Variants in PCED1B observed in about 807,000 individuals in gnomAD.
The protein encoded by PCED1B is PC-esterase domain-containing protein 1B.
For synonymous variants in PCED1B, 251 were observed against 246.1 expected (o/e 1.02, Z -0.19); for missense variants, 573 against 573.9 (o/e 1.00, Z 0.02).
Position 47,186,090 on chromosome 12 carries a change from C to T in PCED1B, c.-525-30132C>T, listed in dbSNP as rs918794053. 5.7e-4 allele frequency among the ~76,000 whole-genome samples: 86 copies of T among 152,006 alleles called. 1 individual carries two copies. The highest frequency in any genetic ancestry group is 2.1e-3 in the African/African-American group (86 of 41,474). On this transcript the variant is annotated intron_variant, in intron 2 of 3. Coordinates refer to ENST00000546455, the MANE Select transcript of PCED1B (RefSeq NM_138371.3). The stretch of plus-strand genomic sequence containing the variant: ...AAAATTAGCCAGATGTGGTGGCACG[C>T]CCCTGTAATCCCAGCTACTCAGGAG...
chr12:47,101,233 GAGA>G (rs1450202509), intron 1 of PCED1B, among the ~76,000 whole-genome samples: 1 of 152,002 alleles, frequency 6.6e-6, no homozygotes, highest in Non-Finnish European at 1.5e-5. Context: ...TGGTTTCAAG[GAGA>G]AGACATATTT....
At chr12:47,149,251 C>T (rs923480004) in intron 2 of PCED1B, among the ~76,000 whole-genome samples, 1 of 152,214 alleles carries the variant, frequency 6.6e-6, no homozygotes, top group African/African-American at 2.4e-5. Flanking sequence ...CAATACACTT[C>T]ACTCACCTTA....
At chr12:47,093,577 TAA>T (rs1193652751) in intron 1 of PCED1B, among the ~76,000 whole-genome samples, 5 of 152,032 alleles carry the variant, frequency 3.3e-5, no homozygotes, top group African/African-American at 1.2e-4. Flanking sequence ...ATATGGAATA[TAA>T]GACTATATAT....
chr12:47,185,888 A>G (rs750171449), intron 2 of PCED1B, among the ~76,000 whole-genome samples: 1 of 152,068 alleles, frequency 6.6e-6, no homozygotes, highest in Non-Finnish European at 1.5e-5. Flanking sequence ...ACATACACAT[A>G]GGAGTATTCA....
At chr12:47,117,368 C>T (rs1488011239) in intron 2 of PCED1B, among the ~76,000 whole-genome samples, 1 of 152,030 alleles carries the variant, frequency 6.6e-6, no homozygotes, top group Non-Finnish European at 1.5e-5. Flanking sequence ...CCATGACAGG[C>T]CCCAGTGTGT....
intron 2 of PCED1B, among the ~76,000 whole-genome samples, chr12:47,113,743 C>T (rs1939298191): frequency 6.6e-6 from 1 of 151,864 alleles, no homozygotes; most frequent in South Asian, 2.1e-4. Flanking sequence ...GGCACAGTGG[C>T]TCACGCCTGT....
intron 3 of PCED1B, among the ~76,000 whole-genome samples, chr12:47,220,447 C>T (rs575442144): frequency 6.6e-6 from 1 of 152,336 alleles, no homozygotes; most frequent in South Asian, 2.1e-4. Flanking sequence ...GCTGGGATTA[C>T]AGGCGTGAGC....
chr12:47,135,814 C>A, intron 2 of PCED1B: 2 of 490,866 alleles, frequency 4.1e-6, no homozygotes, highest in Non-Finnish European at 8.2e-6. Context: ...CCCAGCACAG[C>A]CACCTCATGC....
rs549778576 is a variant in PCED1B at position 47,170,109 on chromosome 12, T to A, written c.-525-46113T>A. 3.3e-5 allele frequency among the ~76,000 whole-genome samples: 5 copies of A among 152,112 alleles called. No homozygotes were observed. The East Asian group carries it at 9.7e-4, about 30-fold the overall frequency. ...GAGTGGTGATGACTCTTAAGGAGCA[T>A]GCTGCCTTCAAGCATCTGTTTAACA... is the stretch of plus-strand genomic sequence containing the variant. On this transcript the variant is annotated intron_variant, in intron 2 of 3. Coordinates refer to ENST00000546455, the MANE Select transcript of PCED1B (RefSeq NM_138371.3).
intron 2 of PCED1B, among the ~76,000 whole-genome samples, chr12:47,107,790 T>C (rs954657991): frequency 2.6e-5 from 4 of 152,052 alleles, no homozygotes; most frequent in African/African-American, 9.7e-5. Context: ...AGATACAATG[T>C]CCCCCTAAGG....
chr12:47,191,378 T>C (rs1942434199), intron 2 of PCED1B, among the ~76,000 whole-genome samples: 1 of 152,174 alleles, frequency 6.6e-6, no homozygotes. Context: ...TTGTTTAAAA[T>C]CTCTAAGTTT....
At chr12:47,215,316 C>T (rs150955596) in intron 2 of PCED1B, among the ~76,000 whole-genome samples, 369 of 150,050 alleles carry the variant, frequency 2.5e-3, no homozygotes, top group African/African-American at 8.5e-3. Context: ...TGCAATGGGA[C>T]GATTTTGGCT....
Position 47,096,893 on chromosome 12 carries a change from A to G in PCED1B, c.-608-7220A>G, listed in dbSNP as rs564985457. Among the ~76,000 whole-genome samples the G allele has an allele frequency of 3.2e-4, 48 of 152,370 alleles. 1 individual carries two copies. The highest frequency in any genetic ancestry group is 5.9e-5 in the Non-Finnish European group (4 of 68,028). The stretch of plus-strand genomic sequence containing the variant: ...GATGGAATTTGATTAAATAATTACC[A>G]AAAGTAGATATGTAAGACTGTATAA... On this transcript the variant is annotated intron_variant, in intron 1 of 3. Transcript: ENST00000546455.
rs1175919058 is a variant in PCED1B at position 47,235,959 on chromosome 12, AC to A, written c.898del (p.Arg300AlafsTer137). 9.3e-6 allele frequency: 15 copies of A among 1,607,404 alleles called. No individual in the cohort carries two copies. Among genetic ancestry groups the A allele is most frequent in the Non-Finnish European group, 1.3e-5 (15 of 1,177,810 alleles). On this transcript the variant is annotated frameshift_variant, in exon 4 of 4. Transcript: ENST00000546455. LOFTEE classifies it low-confidence loss of function (END_TRUNC). ...PLSPPLPSPT[Y>X]RPLLGFPPQR... Reference sequence around the variant, plus strand: ...TCCCCACCCTTACCTTCCCCCACATACCGCCCCCTGCTTGGGTTCCCACCCC... The same window carrying A: ...TCCCCACCCTTACCTTCCCCCACATACGCCCCCTGCTTGGGTTCCCACCCC...
At chr12:47,201,310 A>G (rs1942756461) in intron 2 of PCED1B, among the ~76,000 whole-genome samples, 1 of 152,052 alleles carries the variant, frequency 6.6e-6, no homozygotes. Flanking sequence ...AATTCCTTGG[A>G]ATTGCGAATA....
intron 2 of PCED1B, among the ~76,000 whole-genome samples, chr12:47,195,931 C>T (rs1942589694): frequency 6.6e-6 from 1 of 152,154 alleles, no homozygotes; most frequent in Non-Finnish European, 1.5e-5. Flanking sequence ...TTAATAATTA[C>T]ATTTTTTAAA....
intron 2 of PCED1B, among the ~76,000 whole-genome samples, chr12:47,202,728 A>C (rs1318060766): frequency 6.6e-6 from 1 of 151,574 alleles, no homozygotes; most frequent in African/African-American, 2.4e-5. Flanking sequence ...ATAAAAATAT[A>C]TATTTACAGT....
rs545876818 is a variant in PCED1B, at chr12:47,228,096, C to T, written c.-57-6911C>T. On this transcript the variant is annotated intron_variant, in intron 3 of 3. Coordinates refer to ENST00000546455, the MANE Select transcript of PCED1B (RefSeq NM_138371.3). Reference sequence around the variant, plus strand: ...TTGCCCAGGCTGGAGTTCAGTGATGCGATCTCAGCTCGCTGCAACCTCCTC... The same window carrying T: ...TTGCCCAGGCTGGAGTTCAGTGATGTGATCTCAGCTCGCTGCAACCTCCTC... Among the ~76,000 whole-genome samples, 62 of 148,694 alleles carry T rather than the reference C, an allele frequency of 4.2e-4. 2 individuals are homozygous for T. The highest frequency in any genetic ancestry group is 1.5e-3 in the African/African-American group (60 of 40,234).
At chr12:47,151,256 A>G (rs144612736) in intron 2 of PCED1B, among the ~76,000 whole-genome samples, 41 of 152,276 alleles carry the variant, frequency 2.7e-4, no homozygotes, top group African/African-American at 9.4e-4. Flanking sequence ...ATTGTATTTT[A>G]CTGTACCTTT....
Sources: gnomAD v4.1 joint callset for allele counts (sites outside exome capture counted in the v4.1 genomes callset) on GRCh38, gnomAD v4.1.1 for gene constraint, MANE v1.5 for transcripts, NCBI Gene and HGNC (gene_info 2026-07-23, HGNC 2026-07-21) for gene names.